WDR7: variants seen among roughly 807,000 people sequenced by gnomAD.
The protein encoded by WDR7 is WD repeat domain 7.
WDR7 carries 46 observed loss-of-function variants against 169.4 expected under a neutral mutation model. The ratio of observed to expected loss-of-function variants is 0.27; its 90% confidence interval spans 0.21 to 0.35. WDR7 has a LOEUF of 0.35. WDR7 is among the 10% of genes least tolerant of loss of function. The pLI, the probability that WDR7 is intolerant of heterozygous loss-of-function variation, is 1.00. For missense variants in WDR7, 1,534 were observed against 1,859.3 expected (o/e 0.83, Z 3.22); for synonymous variants, 612 against 666.8 (o/e 0.92, Z 1.27).
At chr18:56,935,704 G>A (rs2046950617) in intron 22 of WDR7, 84 bp from the exon 23 acceptor site, 1 of 1,323,688 alleles carries the variant, frequency 7.6e-7, no homozygotes, top group Non-Finnish European at 1.1e-6. Flanking sequence ...ACCTTGAACT[G>A]ACATTATAAG....
chr18:56,784,037 C>T (rs1329888786), intron 19 of WDR7, among the ~76,000 whole-genome samples: 2 of 152,130 alleles, frequency 1.3e-5, no homozygotes, highest in Non-Finnish European at 2.9e-5. Flanking sequence ...TCAGGCTTTG[C>T]TAAGTATCTG....
Position 57,027,094 on chromosome 18 carries a change from C to T in WDR7, c.4360C>T (p.Pro1454Ser). 6.2e-7 allele frequency: 1 copy of T among 1,614,180 alleles called. No homozygotes were observed. The highest frequency in any genetic ancestry group is 8.5e-7 in the Non-Finnish European group (1 of 1,180,042). ...AACCTACCAGGTGCCCCCTGTGCAG[C>T]CCGCGTCCCCCGGCTCCCACAATGC... ...IKTYQVPPVQ[P>S]ASPGSHNALK... The change falls in exon 28 of 28, where the codon CCC becomes TCC. Residue 1454 changes from proline (P) to serine (S), a missense_variant. Pro to Ser is a moderately conservative substitution (Grantham distance 74). Coordinates refer to ENST00000254442, the MANE Select transcript of WDR7 (RefSeq NM_015285.3).
chr18:57,009,959 C>A (rs2048115271), intron 26 of WDR7: 1 of 985,248 alleles, frequency 1.0e-6, no homozygotes, highest in South Asian at 4.7e-5. Flanking sequence ...CACGAAAATG[C>A]CAAGTCCCAT....
At chr18:57,006,612 T>A (rs1470471920) in intron 26 of WDR7, among the ~76,000 whole-genome samples, 1 of 152,212 alleles carries the variant, frequency 6.6e-6, no homozygotes, top group Non-Finnish European at 1.5e-5. Flanking sequence ...AAATTTAATT[T>A]TAGTGATAGG....
chr18:56,925,853 C>T (rs1248174848), intron 22 of WDR7, among the ~76,000 whole-genome samples: 2 of 152,170 alleles, frequency 1.3e-5, no homozygotes, highest in Non-Finnish European at 2.9e-5. Flanking sequence ...AACTTTACCT[C>T]GGTGTCTCCC....
chr18:56,825,686 A>C (rs935121860), intron 20 of WDR7, among the ~76,000 whole-genome samples: 3 of 152,184 alleles, frequency 2.0e-5, no homozygotes, highest in African/African-American at 7.2e-5. Context: ...ATATATTATG[A>C]CTTGTCATTT....
rs1163409756 is a variant in WDR7 at position 56,731,379 on chromosome 18, G to T, written c.1775-4G>T. 11 of 1,608,646 alleles carry T rather than the reference G, an allele frequency of 6.8e-6. No individual in the cohort carries two copies. Reference sequence around the variant, plus strand: ...AAATATTTGTGAATATATTTTTCTCGCAGGTGCATTGGATCGTTGTGTGAT... The same window carrying T: ...AAATATTTGTGAATATATTTTTCTCTCAGGTGCATTGGATCGTTGTGTGAT... On this transcript the variant is annotated splice_region_variant and splice_polypyrimidine_tract_variant and intron_variant, in intron 13 of 27. Transcript: ENST00000254442.
chr18:56,825,021 T>C (rs2045172915), intron 20 of WDR7, among the ~76,000 whole-genome samples: 1 of 152,196 alleles, frequency 6.6e-6, no homozygotes, highest in African/African-American at 2.4e-5. Flanking sequence ...GCAGGTTTGG[T>C]AGACAGTGGA....
At chr18:57,033,012 GT>G (rs1333062986), downstream of WDR7, 14 of 151,782 alleles carry the variant, frequency 9.2e-5, no homozygotes, top group Non-Finnish European at 2.1e-4. Context: ...TCAAGTTTTA[GT>G]GAAAATGTGT....
chr18:56,691,373 G>A lies in WDR7; in HGVS notation c.863+12G>A. ...AAACTACCTGCCAGGTATGCAGCAA[G>A]TAATAAATTAGGACAGTCATCAAAA... On this transcript the variant is annotated intron_variant, in intron 8 of 27. Coordinates refer to ENST00000254442, the MANE Select transcript of WDR7 (RefSeq NM_015285.3). 1 of 1,577,346 alleles carries A rather than the reference G, an allele frequency of 6.3e-7. No homozygotes were observed. The highest frequency in any genetic ancestry group is 2.3e-5 in the East Asian group (1 of 43,418).
At chr18:57,017,018 G>A (rs543449057) in intron 26 of WDR7, among the ~76,000 whole-genome samples, 1 of 152,180 alleles carries the variant, frequency 6.6e-6, no homozygotes, top group Non-Finnish European at 1.5e-5. Context: ...GTTCTTCAAG[G>A]TCTAGCATTT....
At chr18:56,791,842 A>G (rs2044489478) in intron 19 of WDR7, among the ~76,000 whole-genome samples, 1 of 152,176 alleles carries the variant, frequency 6.6e-6, no homozygotes, top group Non-Finnish European at 1.5e-5. Flanking sequence ...AAGGGACTCT[A>G]GCATGATGGT....
chr18:56,745,447 G>A (rs1014723972), intron 14 of WDR7, among the ~76,000 whole-genome samples: 5 of 152,152 alleles, frequency 3.3e-5, no homozygotes, highest in African/African-American at 1.2e-4. Flanking sequence ...GTTTTTCCAT[G>A]GCCTGGGGTA....
At chr18:56,714,913 A>G (rs149429057) in intron 12 of WDR7, among the ~76,000 whole-genome samples, 18 of 152,286 alleles carry the variant, frequency 1.2e-4, no homozygotes, top group African/African-American at 4.3e-4. Context: ...ATTACATCTC[A>G]TAATCTACTT....
chr18:57,032,812 T>TATAC (rs1317629754), downstream of WDR7: 52 of 34,566 alleles, frequency 1.5e-3, no homozygotes, highest in African/African-American at 9.2e-3. Flanking sequence ...TATATATATA[T>TATAC]ATATATATAT....
rs1278471128 is a variant in WDR7 at position 56,962,514 on chromosome 18, G to C, written c.4149G>C (p.Arg1383=). ...GTTCAGTGGCCCTGTACGACATCCG[G>C]ACTGGAAAATGTCAGGTAAATAAAT... ...RHGSVALYDI[R]TGKCQTIHGH... The change falls in exon 26 of 28, where the codon CGG becomes CGC. Residue 1383 remains arginine, a synonymous_variant. Coordinates refer to ENST00000254442, the MANE Select transcript of WDR7 (RefSeq NM_015285.3). 10 of 1,612,858 alleles carry C rather than the reference G, an allele frequency of 6.2e-6. No homozygotes were observed. Among genetic ancestry groups the C allele is most frequent in the Non-Finnish European group, 8.5e-6 (10 of 1,179,204 alleles).
At chr18:56,940,497 T>G (rs1159283291) in intron 25 of WDR7, among the ~76,000 whole-genome samples, 1 of 152,232 alleles carries the variant, frequency 6.6e-6, no homozygotes, top group Non-Finnish European at 1.5e-5. Flanking sequence ...ATGCATATTT[T>G]CTTGTGATGG....
At chr18:56,769,938 G>T (rs546316847) in intron 16 of WDR7, among the ~76,000 whole-genome samples, 1 of 151,938 alleles carries the variant, frequency 6.6e-6, no homozygotes, top group South Asian at 2.1e-4. Context: ...TTTTTAATTG[G>T]TGTACACCTT....
intron 19 of WDR7, among the ~76,000 whole-genome samples, chr18:56,799,652 G>A (rs1442740005): frequency 6.6e-6 from 1 of 152,140 alleles, no homozygotes; most frequent in Non-Finnish European, 1.5e-5. Context: ...CTCATTAAAT[G>A]TTATGTGAAA....
Sources: gnomAD v4.1 joint callset for allele counts (sites outside exome capture counted in the v4.1 genomes callset) on GRCh38, gnomAD v4.1.1 for gene constraint, MANE v1.5 for transcripts, NCBI Gene and HGNC (gene_info 2026-07-23, HGNC 2026-07-21) for gene names.